CHN2: variants seen among roughly 807,000 people sequenced by gnomAD.
CHN2 encodes chimerin 2, also known as beta-chimaerin.
A neutral mutation model predicts 56.3 loss-of-function variants in CHN2; 35 were observed. The ratio of observed to expected loss-of-function variants is 0.62; its 90% CI spans 0.47 to 0.82. The LOEUF (loss-of-function observed/expected upper bound fraction) is 0.82. CHN2 is among the 40% of genes least tolerant of loss of function. CHN2 has a pLI of 0.00. For missense variants in CHN2, 491 were observed against 580.5 expected, an observed-to-expected ratio of 0.85 and a Z score of 1.58; for synonymous variants, 210 against 212.8, an observed-to-expected ratio of 0.99 and a Z score of 0.12.
chr7:29,503,866 C>A (rs200786582), intron 9 of CHN2, among the ~76,000 whole-genome samples: 1 of 152,188 alleles, frequency 6.6e-6, no homozygotes, highest in East Asian at 1.9e-4. Flanking sequence ...TTGTGACATA[C>A]AAAGTCTGAA....
intron 5 of CHN2, among the ~76,000 whole-genome samples, chr7:29,399,361 G>A (rs1055485228): frequency 2.6e-5 from 4 of 152,166 alleles, no homozygotes; most frequent in African/African-American, 9.7e-5. Context: ...GGTTCACCTT[G>A]TTGACCCCAG....
At chr7:29,178,423 G>A (rs564926122) in intron 2 of CHN2, among the ~76,000 whole-genome samples, 3 of 152,066 alleles carry the variant, frequency 2.0e-5, no homozygotes, top group East Asian at 1.9e-4. Context: ...TCCACTGGCC[G>A]CCTTTCCTGT....
chr7:29,457,860 G>C (rs919234363), intron 6 of CHN2, among the ~76,000 whole-genome samples: 2 of 152,120 alleles, frequency 1.3e-5, no homozygotes, highest in Non-Finnish European at 2.9e-5. Context: ...AGCTGTACTG[G>C]GGACCAAATC....
At chr7:29,170,157 G>T (rs1433850936) in intron 2 of CHN2, among the ~76,000 whole-genome samples, 1 of 152,118 alleles carries the variant, frequency 6.6e-6, no homozygotes, top group Admixed American at 6.6e-5. Context: ...GGTGGAGGGG[G>T]ATTCCCTGAG....
At chr7:29,256,425 G>A (rs994505997) in intron 1 of CHN2, among the ~76,000 whole-genome samples, 1 of 152,214 alleles carries the variant, frequency 6.6e-6, no homozygotes, top group Admixed American at 6.5e-5. Flanking sequence ...TTCGAAAGAA[G>A]AGCAACGGGC....
At chr7:29,470,401 G>A (rs1242581302) in intron 6 of CHN2, among the ~76,000 whole-genome samples, 2 of 152,218 alleles carry the variant, frequency 1.3e-5, no homozygotes, top group African/African-American at 2.4e-5. Context: ...TGTGAGTGGC[G>A]CCAAGGACTA....
At chr7:29,385,741 G>T (rs1215863971) in intron 3 of CHN2, among the ~76,000 whole-genome samples, 1 of 152,156 alleles carries the variant, frequency 6.6e-6, no homozygotes, top group Non-Finnish European at 1.5e-5. Context: ...CTGGCCTAAA[G>T]AAAATATTTT....
intron 6 of CHN2, among the ~76,000 whole-genome samples, chr7:29,404,547 G>A (rs1322679926): frequency 1.3e-5 from 2 of 152,212 alleles, no homozygotes; most frequent in South Asian, 2.1e-4. Flanking sequence ...GTACATCCAT[G>A]TTAAGGAATA....
intron 1 of CHN2, among the ~76,000 whole-genome samples, chr7:29,265,467 GC>G (rs1790064617): frequency 6.6e-6 from 1 of 152,216 alleles, no homozygotes. Context: ...GGCCCCTGAA[GC>G]TGAGCAGGCT....
At chr7:29,479,141 T>A (rs1430326763) in intron 6 of CHN2, among the ~76,000 whole-genome samples, 2 of 152,238 alleles carry the variant, frequency 1.3e-5, no homozygotes, top group African/African-American at 4.8e-5. Context: ...AGGATTTCCC[T>A]GCTTCTTTTC....
At position 29,268,637 on chromosome 7, in the gene CHN2, C is replaced by T. The variant is rs573387638; in HGVS notation, c.49+73647C>T. 7.2e-5 allele frequency among the ~76,000 whole-genome samples: 11 copies of T among 152,270 alleles called. No homozygotes were observed. In the South Asian group the frequency reaches 2.3e-3, roughly 32 times the overall value. ...GTCTGGCTTGGATAATTGACAGCTG[C>T]CAGCTTGTAATGATCTGTGCTAAAT... On this transcript the variant is annotated intron_variant, in intron 1 of 12. Coordinates refer to ENST00000222792, the MANE Select transcript of CHN2 (RefSeq NM_004067.4).
chr7:29,402,543 C>T (rs1432431956), intron 6 of CHN2, among the ~76,000 whole-genome samples: 1 of 152,170 alleles, frequency 6.6e-6, no homozygotes, highest in African/African-American at 2.4e-5. Flanking sequence ...GAAAGCCGAC[C>T]TTCCCAGCCA....
intron 1 of CHN2, among the ~76,000 whole-genome samples, chr7:29,321,025 G>C (rs1229943119): frequency 6.6e-6 from 1 of 152,218 alleles, no homozygotes; most frequent in East Asian, 1.9e-4. Flanking sequence ...ACTTCCTTGA[G>C]AATGAGATCG....
At chr7:29,178,381 T>G (rs1797631352) in intron 2 of CHN2, among the ~76,000 whole-genome samples, 1 of 152,192 alleles carries the variant, frequency 6.6e-6, no homozygotes, top group Non-Finnish European at 1.5e-5. Flanking sequence ...CTGGTCTTCC[T>G]CTGCGTGCGG....
At chr7:29,411,903 T>A (rs1803252168) in intron 6 of CHN2, among the ~76,000 whole-genome samples, 1 of 152,160 alleles carries the variant, frequency 6.6e-6, no homozygotes, top group Non-Finnish European at 1.5e-5. Flanking sequence ...TTGAGCTGGG[T>A]AAGCAGATGT....
At chr7:29,367,644 A>G (rs80281956) in intron 2 of CHN2, among the ~76,000 whole-genome samples, 4,516 of 152,276 alleles carry the variant, frequency 0.03, 237 homozygotes, top group African/African-American at 0.1. Flanking sequence ...AGCCATATTT[A>G]GTCTTCCACG....
At chr7:29,495,607 G>T (rs980054082) in intron 7 of CHN2, among the ~76,000 whole-genome samples, 2 of 152,208 alleles carry the variant, frequency 1.3e-5, no homozygotes. Context: ...TCCAGAACTT[G>T]CTGAGCTAAA....
rs934933675 is a variant in CHN2 at position 29,255,692 on chromosome 7, A to C, written c.49+60702A>C. Among the ~76,000 whole-genome samples, 7 of 152,312 alleles carry C rather than the reference A, an allele frequency of 4.6e-5. No individual in the cohort carries two copies. In the South Asian group the frequency reaches 6.2e-4, roughly 14 times the overall value. On this transcript the variant is annotated intron_variant, in intron 1 of 12. Transcript: ENST00000222792. ...TCAAGTTCAGAATGGGTTTTTTATA[A>C]AAACAAACAAACAGCCATGATTGAT...
In CHN2 at chr7:29,185,854, T is replaced by G. The variant is rs180688577; in HGVS notation, c.274+38894T>G. Among the ~76,000 whole-genome samples, 37 of 152,270 alleles carry G rather than the reference T, an allele frequency of 2.4e-4. No individual in the cohort carries two copies. The East Asian group carries it at 7.0e-3, about 29-fold the overall frequency. ...AATCTGCATTTTAGCAAGACCAATA[T>G]GTAGATATATTAAAGGTTGCACAGC... On this transcript the variant is annotated intron_variant, in intron 2 of 6. Transcript: ENST00000439384.
Sources: allele counts gnomAD v4.1 joint callset (sites outside exome capture counted in the v4.1 genomes callset), GRCh38; gene constraint gnomAD v4.1.1; transcripts MANE v1.5; gene names NCBI Gene and HGNC (gene_info 2026-07-23, HGNC 2026-07-21).